The following ZC3H7B variants were observed in gnomAD, a reference collection of about 807,000 sequenced individuals.
ZC3H7B encodes the protein zinc finger CCCH-type containing 7B.
In ZC3H7B, 35 loss-of-function variants were observed where a neutral mutation model predicts 116.0. That is an observed-to-expected ratio of 0.30 (90% CI 0.23 to 0.40). The LOEUF (loss-of-function observed/expected upper bound fraction) is 0.40. ZC3H7B is among the 10% of genes least tolerant of loss of function. The pLI is 1.00. For missense variants in ZC3H7B, 1,011 were observed against 1,321.5 expected (o/e 0.77, Z 3.64); for synonymous variants, 502 against 545.6 (o/e 0.92, Z 1.11).
intron 1 of ZC3H7B, among the ~76,000 whole-genome samples, chr22:41,305,161 A>G (rs570032324): frequency 1.3e-5 from 2 of 152,298 alleles, no homozygotes; most frequent in South Asian, 2.1e-4. Context: ...CCTGGCCAAC[A>G]TGGTGAAACC....
intron 22 of ZC3H7B, 67 bp downstream of exon 22, chr22:41,356,875 C>T (rs1269856912): frequency 5.6e-6 from 9 of 1,597,094 alleles, no homozygotes; most frequent in African/African-American, 5.4e-5. Context: ...CCGTGGCCAG[C>T]TCTGGCTCCT....
chr22:41,319,976 A>C (rs59789934), intron 1 of ZC3H7B, among the ~76,000 whole-genome samples: 4,067 of 150,630 alleles, frequency 0.027, 149 homozygotes, highest in African/African-American at 0.094. Context: ...GGTTGCAGTG[A>C]GCTGAGATTG....
At chr22:41,341,668 G>T (rs973652806) in intron 11 of ZC3H7B, among the ~76,000 whole-genome samples, 1 of 152,122 alleles carries the variant, frequency 6.6e-6, no homozygotes, top group African/African-American at 2.4e-5. Context: ...GCATGAACCC[G>T]GGAGGCAGAG....
chr22:41,337,107 G>A (rs895634014), intron 7 of ZC3H7B, among the ~76,000 whole-genome samples: 12 of 152,102 alleles, frequency 7.9e-5, no homozygotes, highest in African/African-American at 2.9e-4. Context: ...TTGCACTCCA[G>A]CCTGGGCAAC....
Position 41,327,389 on chromosome 22 carries a change from C to T in ZC3H7B, c.444+25C>T, listed in dbSNP as rs200591604. On this transcript the variant is annotated intron_variant, in intron 5 of 22. Transcript: ENST00000352645. This position sits in a 1 kb window ranked among gnomAD's most constrained non-coding sequence, Gnocchi z 4.5. ...CGTGAGTGTGGCTCTGCAGCCACGC[C>T]GGTGCCTGCTCAGAGGCCAGGCTTC... The T allele has an allele frequency of 8.3e-5, 133 of 1,603,560 alleles. No individual in the cohort carries two copies. In the Admixed American group the frequency reaches 2.0e-3, roughly 25 times the overall value.
At chr22:41,355,892 C>T (rs1305905635) in intron 19 of ZC3H7B, 30 bp downstream of exon 19, 3 of 1,611,836 alleles carry the variant, frequency 1.9e-6, no homozygotes, top group Non-Finnish European at 2.5e-6. Context: ...GCTGGGGGTC[C>T]CCCAGGAGGC....
intron 7 of ZC3H7B, chr22:41,334,077 G>T (rs1263783845): frequency 6.6e-6 from 1 of 152,296 alleles, no homozygotes; most frequent in East Asian, 1.9e-4. Context: ...GCAGAGCTGG[G>T]GGTCCTGGAA....
intron 11 of ZC3H7B, among the ~76,000 whole-genome samples, chr22:41,341,706 G>T (rs1164014693): frequency 6.6e-6 from 1 of 151,990 alleles, no homozygotes; most frequent in Non-Finnish European, 1.5e-5. Flanking sequence ...TCGCGCCACT[G>T]CATTCCAGCC....
intron 15 of ZC3H7B, among the ~76,000 whole-genome samples, chr22:41,348,692 C>T (rs1201947085): frequency 6.6e-6 from 1 of 152,198 alleles, no homozygotes; most frequent in African/African-American, 2.4e-5. Context: ...TGGGCCAGTC[C>T]TGTCTTACGT....
intron 17 of ZC3H7B, among the ~76,000 whole-genome samples, chr22:41,352,670 G>A (rs925410553): frequency 6.6e-5 from 10 of 152,112 alleles, no homozygotes; most frequent in Admixed American, 6.6e-4. Context: ...GCTGAGGCAG[G>A]AGAATCGTGT....
At chr22:41,310,308 G>C (rs1256276051) in intron 1 of ZC3H7B, among the ~76,000 whole-genome samples, 1 of 152,152 alleles carries the variant, frequency 6.6e-6, no homozygotes, top group Non-Finnish European at 1.5e-5. Flanking sequence ...CCCTTCAGGG[G>C]GAGGCACACC....
rs186063724 is a variant in ZC3H7B, at chr22:41,319,007, G to A, written c.-6-1648G>A. ...AAGTGAGCCAGGCGCAGTGGCTGATGCCTATAATTCCAGCACTTTGGGAGG... is the reference window on the plus strand; with the variant it reads ...AAGTGAGCCAGGCGCAGTGGCTGATACCTATAATTCCAGCACTTTGGGAGG... On this transcript the variant is annotated intron_variant, in intron 1 of 22. Transcript: ENST00000352645. 4.7e-3 allele frequency among the ~76,000 whole-genome samples: 717 copies of A among 152,296 alleles called. 4 individuals are homozygous for A. In the Middle Eastern group the frequency reaches 0.051, roughly 11 times the overall value.
chr22:41,305,110 G>A lies in ZC3H7B; in HGVS notation c.-7+3338G>A, dbSNP rs775482196. Among the ~76,000 whole-genome samples, 27 of 152,312 alleles carry A rather than the reference G, an allele frequency of 1.8e-4. No homozygotes were observed. In the Middle Eastern group the frequency reaches 0.024, roughly 134 times the overall value. ...GCCTGTAATCCCAGCACTTTGGGAC[G>A]CCGGGGCGGGTGGATCACGAGGTCA... On this transcript the variant is annotated intron_variant, in intron 1 of 22. Coordinates refer to ENST00000352645, the MANE Select transcript of ZC3H7B (RefSeq NM_017590.6).
At chr22:41,307,947 A>G (rs1245138086) in intron 1 of ZC3H7B, among the ~76,000 whole-genome samples, 11 of 152,090 alleles carry the variant, frequency 7.2e-5, no homozygotes, top group Admixed American at 7.2e-4. Flanking sequence ...AATCCTAACT[A>G]CCACCAACAT....
At chr22:41,342,716 G>A in intron 12 of ZC3H7B, 88 bp downstream of exon 12, 1 of 1,297,382 alleles carries the variant, frequency 7.7e-7, no homozygotes, top group Non-Finnish European at 1.1e-6. Context: ...GAATCCCAGT[G>A]TCTCAGTTGG....
At chr22:41,325,665 G>T in intron 3 of ZC3H7B, 56 bp from the exon 4 acceptor site, 1 of 1,608,040 alleles carries the variant, frequency 6.2e-7, no homozygotes, top group African/African-American at 1.3e-5. Flanking sequence ...GCGTGGGCCG[G>T]GTGCCAGAGC....
chr22:41,325,105 TG>T (rs1488375759), intron 2 of ZC3H7B, among the ~76,000 whole-genome samples: 1 of 152,206 alleles, frequency 6.6e-6, no homozygotes, highest in African/African-American at 2.4e-5. Flanking sequence ...TTGGAATGCC[TG>T]CTTTCCTTTA....
intron 1 of ZC3H7B, among the ~76,000 whole-genome samples, chr22:41,309,008 C>CTTTTT (rs57147100): frequency 1.1e-4 from 11 of 103,304 alleles, no homozygotes; most frequent in Non-Finnish European, 1.4e-4. Flanking sequence ...TCCCAGTCTG[C>CTTTTT]TTTTTTTTTT....
intron 13 of ZC3H7B, 37 bp downstream of exon 13, chr22:41,343,613 G>C: frequency 6.5e-7 from 1 of 1,541,190 alleles, no homozygotes; most frequent in Admixed American, 2.0e-5. Flanking sequence ...GCACAGCTGG[G>C]GCCCAGCCCC....
Sources: allele counts gnomAD v4.1 joint callset (sites outside exome capture counted in the v4.1 genomes callset), GRCh38; gene constraint gnomAD v4.1.1; non-coding constraint Gnocchi (gnomAD v3.1); transcripts MANE v1.5; gene names NCBI Gene and HGNC (gene_info 2026-07-23, HGNC 2026-07-21).